Variants in CTNNA2 observed in about 807,000 individuals in gnomAD.
CTNNA2 encodes catenin alpha-2.
In CTNNA2, 42 loss-of-function variants were observed where a neutral mutation model predicts 101.0. The ratio of observed to expected loss-of-function variants is 0.42; its 90% CI spans 0.32 to 0.54. The LOEUF is 0.54. CTNNA2 is among the 20% of genes least tolerant of loss of function. The pLI, the probability that CTNNA2 is intolerant of heterozygous loss-of-function variation, is 0.14. For missense variants in CTNNA2, 871 were observed against 1,223.1 expected (o/e 0.71, Z 4.29); for synonymous variants, 450 against 456.4 (o/e 0.99, Z 0.18).
intron 2 of CTNNA2, among the ~76,000 whole-genome samples, chr2:79,740,712 T>C (rs1180334652): frequency 6.6e-6 from 1 of 152,132 alleles, no homozygotes; most frequent in African/African-American, 2.4e-5. Flanking sequence ...TAGCAGCCTC[T>C]CATTGTTAGA....
chr2:80,084,193 A>T (rs1162046801), intron 7 of CTNNA2, among the ~76,000 whole-genome samples: 1 of 152,128 alleles, frequency 6.6e-6, no homozygotes, highest in African/African-American at 2.4e-5. Flanking sequence ...GACAGGAACT[A>T]TTGAGAAGTT....
intron 7 of CTNNA2, among the ~76,000 whole-genome samples, chr2:80,021,785 C>T (rs1357303223): frequency 2.0e-5 from 3 of 151,938 alleles, no homozygotes; most frequent in African/African-American, 7.3e-5. Flanking sequence ...CATAGGCCAC[C>T]GTGTTATATA....
intron 7 of CTNNA2, among the ~76,000 whole-genome samples, chr2:79,977,849 A>G (rs1385101379): frequency 1.3e-5 from 2 of 152,024 alleles, no homozygotes; most frequent in Non-Finnish European, 1.5e-5. Context: ...TTCTCTGGCC[A>G]GAGGGAATTA....
At chr2:79,432,621 A>G (rs548890712) in intron 4 of CTNNA2, among the ~76,000 whole-genome samples, 1 of 152,316 alleles carries the variant, frequency 6.6e-6, no homozygotes, top group Non-Finnish European at 1.5e-5. Flanking sequence ...AGATACCACA[A>G]GGGTAAAATC....
At chr2:80,500,085 A>T (rs1687762813) in intron 9 of CTNNA2, among the ~76,000 whole-genome samples, 1 of 152,274 alleles carries the variant, frequency 6.6e-6, no homozygotes, top group South Asian at 2.1e-4. Flanking sequence ...ATATGATTAA[A>T]CCTTTTCCAA....
rs563868739 is a variant in CTNNA2, at chr2:80,378,122, C to T, written c.1057-15089C>T. 1.8e-4 allele frequency among the ~76,000 whole-genome samples: 28 copies of T among 152,004 alleles called. 2 individuals are homozygous for T. The South Asian group carries it at 5.0e-3, about 27-fold the overall frequency. On this transcript the variant is annotated intron_variant, in intron 7 of 18. Transcript: ENST00000402739. ...CTGTAATCCCAGCACTTTGGTAGGCCGAGGTGGGCGAATCACGAGGTCAGG... is the reference window on the plus strand; with the variant it reads ...CTGTAATCCCAGCACTTTGGTAGGCTGAGGTGGGCGAATCACGAGGTCAGG...
intron 4 of CTNNA2, among the ~76,000 whole-genome samples, chr2:79,394,188 T>C (rs765717936): frequency 6.6e-6 from 1 of 152,068 alleles, no homozygotes; most frequent in Middle Eastern, 3.2e-3. Context: ...TTTTATTTGT[T>C]TGTTTCTTTT....
At chr2:80,073,206 T>C (rs574234625) in intron 7 of CTNNA2, among the ~76,000 whole-genome samples, 3 of 152,034 alleles carry the variant, frequency 2.0e-5, no homozygotes, top group Non-Finnish European at 4.4e-5. Context: ...TTCAAAGGAT[T>C]TGGGGACTAA....
At chr2:80,490,271 T>TCCCCCCCCCCCCCCCCCCCCCC (rs1185906142) in intron 9 of CTNNA2, among the ~76,000 whole-genome samples, 1 of 51,848 alleles carries the variant, frequency 1.9e-5, no homozygotes, top group Non-Finnish European at 3.3e-5. Context: ...TTTTTTTCCT[T>TCCCCCCCCCCCCCCCCCCCCCC]CCCCCCCCAC....
chr2:80,553,103 A>C (rs1325958782), intron 11 of CTNNA2, among the ~76,000 whole-genome samples: 1 of 151,508 alleles, frequency 6.6e-6, no homozygotes, highest in African/African-American at 2.4e-5. Flanking sequence ...GCATGCCTGT[A>C]ATCCCATCTA....
intron 7 of CTNNA2, among the ~76,000 whole-genome samples, chr2:80,116,896 G>T (rs2148870791): frequency 1.1e-5 from 1 of 94,776 alleles, no homozygotes; most frequent in South Asian, 3.7e-4. Context: ...GAAAATAGAA[G>T]AAAATAGTGT....
intron 7 of CTNNA2, among the ~76,000 whole-genome samples, chr2:80,068,318 G>A (rs556642677): frequency 1.3e-5 from 2 of 152,302 alleles, no homozygotes; most frequent in African/African-American, 2.4e-5. Context: ...TAGAGAGCCT[G>A]CAGGGAGTGG....
chr2:79,900,740 A>G (rs1215750970), intron 6 of CTNNA2, among the ~76,000 whole-genome samples: 4 of 152,214 alleles, frequency 2.6e-5, no homozygotes, highest in African/African-American at 9.6e-5. Flanking sequence ...TAAATATTAA[A>G]AGGTAAATAG....
At chr2:79,446,820 C>T (rs1195302626) in intron 4 of CTNNA2, among the ~76,000 whole-genome samples, 1 of 151,662 alleles carries the variant, frequency 6.6e-6, no homozygotes, top group East Asian at 1.9e-4. Flanking sequence ...GATGTTTATG[C>T]CAAAAAAAAA....
At chr2:79,895,697 T>TTA (rs1245310672) in intron 6 of CTNNA2, among the ~76,000 whole-genome samples, 3 of 151,250 alleles carry the variant, frequency 2.0e-5, no homozygotes, top group South Asian at 2.1e-4. Flanking sequence ...TCTTAATTTT[T>TTA]TTTTTTTTTT....
chr2:80,501,438 A>T (rs1230173119), intron 9 of CTNNA2, among the ~76,000 whole-genome samples: 1 of 152,224 alleles, frequency 6.6e-6, no homozygotes, highest in Non-Finnish European at 1.5e-5. Flanking sequence ...ACATTGAAAG[A>T]CATGGTTAGA....
chr2:79,472,332 C>A (rs2104548268), intron 4 of CTNNA2, among the ~76,000 whole-genome samples: 1 of 152,278 alleles, frequency 6.6e-6, no homozygotes, highest in African/African-American at 2.4e-5. Flanking sequence ...GCAGGAGTCT[C>A]AAATCTAGAG....
At chr2:80,270,683 T>G (rs1253852114) in intron 7 of CTNNA2, among the ~76,000 whole-genome samples, 1 of 152,104 alleles carries the variant, frequency 6.6e-6, no homozygotes, top group Non-Finnish European at 1.5e-5. Flanking sequence ...ATTTTTTGAG[T>G]GATATCATTT....
intron 9 of CTNNA2, among the ~76,000 whole-genome samples, chr2:80,505,360 T>A (rs1688188313): frequency 6.6e-6 from 1 of 152,192 alleles, no homozygotes. Context: ...AGCAAGTAAC[T>A]TGGAGCGAGT....
Sources: gnomAD v4.1 joint callset for allele counts (sites outside exome capture counted in the v4.1 genomes callset) on GRCh38, gnomAD v4.1.1 for gene constraint, MANE v1.5 for transcripts, NCBI Gene and HGNC (gene_info 2026-07-23, HGNC 2026-07-21) for gene names.